MAF: variants seen among roughly 807,000 people sequenced by gnomAD.
MAF encodes the protein transcription factor Maf.
MAF carries 10 observed loss-of-function variants against 22.0 expected under a neutral mutation model. The observed-to-expected ratio is 0.45, with a 90% CI of 0.28 to 0.77. The LOEUF is 0.77. Ranked by LOEUF, MAF falls within the 30% of genes least tolerant of loss-of-function variation. The probability of loss-of-function intolerance (pLI) is 0.12; values close to 1 mark genes in which losing one functional copy is unlikely to be tolerated. For synonymous variants in MAF, 337 were observed against 255.8 expected (o/e 1.32, Z -3.03); for missense variants, 544 against 548.4 (o/e 0.99, Z 0.08).
At chr16:79,273,948 CCTT>C in the MAF span, among the ~76,000 whole-genome samples, 3 of 110,770 alleles carry the variant, frequency 2.7e-5, no homozygotes, top group Non-Finnish European at 5.1e-5. Context: ...TTCGTGTCTG[CCTT>C]TTTTTTTTTT....
chr16:79,442,795 G>C, the MAF span, among the ~76,000 whole-genome samples: 1 of 152,210 alleles, frequency 6.6e-6, no homozygotes, highest in Admixed American at 6.5e-5. Context: ...AGGTGTGAGA[G>C]ACACAAATAG....
At chr16:79,377,709 G>T in the MAF span, among the ~76,000 whole-genome samples, 71,348 of 151,998 alleles carry the variant, frequency 0.47, 17,023 homozygotes, top group South Asian at 0.64. Context: ...TTTGTATAAG[G>T]TGTAAGGAAG....
At chr16:79,277,340 A>C in the MAF span, among the ~76,000 whole-genome samples, 4 of 152,302 alleles carry the variant, frequency 2.6e-5, no homozygotes, top group East Asian at 7.7e-4. Context: ...CACCCACAAA[A>C]GTTTCTAATC....
the MAF span, among the ~76,000 whole-genome samples, chr16:79,285,837 A>T: frequency 6.6e-6 from 1 of 152,208 alleles, no homozygotes; most frequent in Non-Finnish European, 1.5e-5. Context: ...TTCCAGGAGC[A>T]ATTCTGGTGC....
the MAF span, among the ~76,000 whole-genome samples, chr16:79,254,802 T>C: frequency 6.6e-5 from 10 of 152,334 alleles, no homozygotes; most frequent in African/African-American, 2.4e-4. Flanking sequence ...AGATGAACTC[T>C]ACGCACCAAC....
At chr16:79,375,650 C>T in the MAF span, among the ~76,000 whole-genome samples, 1 of 152,048 alleles carries the variant, frequency 6.6e-6, no homozygotes, top group Admixed American at 6.6e-5. Context: ...ATGCACATCC[C>T]AGGCACTTCC....
chr16:79,396,796 C>G, the MAF span, among the ~76,000 whole-genome samples: 13 of 152,352 alleles, frequency 8.5e-5, no homozygotes, highest in East Asian at 2.5e-3. Context: ...ACCCCAGTAG[C>G]AGGTTTTTAA....
At chr16:79,418,605 A>C in the MAF span, among the ~76,000 whole-genome samples, 3 of 152,204 alleles carry the variant, frequency 2.0e-5, no homozygotes, top group Admixed American at 1.3e-4. Context: ...TGCTCACTCT[A>C]GGTATGGAAA....
At chr16:79,461,695 C>T in the MAF span, among the ~76,000 whole-genome samples, 55 of 152,178 alleles carry the variant, frequency 3.6e-4, no homozygotes, top group Admixed American at 1.4e-3. Context: ...TGGGAGAGGG[C>T]GCTCATGTCC....
At position 79,594,637 on chromosome 16, in the gene MAF, TG is replaced by T; in HGVS notation, c.1119-85del. On this transcript the variant is annotated intron_variant, in intron 1 of 1. Coordinates refer to ENST00000326043, the MANE Select transcript of MAF (RefSeq NM_005360.5). Reference sequence around the variant, plus strand: ...AAGGGGAAAGCTAGATTTCCTCATATGATTTTTTTTTTTTTAAATTTAGAGA... The same window carrying T: ...AAGGGGAAAGCTAGATTTCCTCATATATTTTTTTTTTTTTAAATTTAGAGA... The T allele has an allele frequency of 2.0e-6, 3 of 1,474,360 alleles. No individual in the cohort carries two copies. In the South Asian group the frequency reaches 3.9e-5, roughly 19 times the overall value. 91.3% of individuals were successfully genotyped at this position (1,474,360 alleles called of 1,614,324 possible).
chr16:79,584,539 G>T (rs1378070037), downstream of MAF, among the ~76,000 whole-genome samples: 1 of 152,154 alleles, frequency 6.6e-6, no homozygotes, highest in Non-Finnish European at 1.5e-5. Context: ...GGACCAGTGT[G>T]AACCTTGCCT....
the MAF span, among the ~76,000 whole-genome samples, chr16:79,544,364 G>C: frequency 1.3e-5 from 2 of 152,158 alleles, no homozygotes; most frequent in Admixed American, 6.5e-5. Context: ...ATCTAGAAGA[G>C]TCCATCAGCA....
chr16:79,475,611 A>G, the MAF span, among the ~76,000 whole-genome samples: 1 of 152,170 alleles, frequency 6.6e-6, no homozygotes, highest in Non-Finnish European at 1.5e-5. Context: ...TGGAGATGGA[A>G]ATATTTTAAC....
the MAF span, among the ~76,000 whole-genome samples, chr16:79,556,350 C>A: frequency 6.6e-6 from 1 of 152,168 alleles, no homozygotes; most frequent in Admixed American, 6.5e-5. Context: ...AGCTCAAGCT[C>A]CCTCCTCAAG....
the MAF span, among the ~76,000 whole-genome samples, chr16:79,391,911 A>G: frequency 8.5e-3 from 709 of 83,430 alleles, 2 homozygotes; most frequent in Middle Eastern, 0.025. Flanking sequence ...GGAGGAGGAG[A>G]AGGAGGAGGA....
At chr16:79,211,444 T>G in the MAF span, among the ~76,000 whole-genome samples, 1 of 152,184 alleles carries the variant, frequency 6.6e-6, no homozygotes. Flanking sequence ...ACATTATACT[T>G]TTTACAGTCA....
chr16:79,461,308 T>C, the MAF span, among the ~76,000 whole-genome samples: 3 of 152,162 alleles, frequency 2.0e-5, no homozygotes, highest in Non-Finnish European at 4.4e-5. Flanking sequence ...CACAATAAAA[T>C]GCATTTTTTG....
chr16:79,370,110 C>A, the MAF span, among the ~76,000 whole-genome samples: 2 of 152,236 alleles, frequency 1.3e-5, no homozygotes, highest in East Asian at 3.9e-4. Flanking sequence ...TTTCTCTCCT[C>A]TAAAAGTCTC....
downstream of MAF, among the ~76,000 whole-genome samples, chr16:79,583,844 G>A (rs1258536283): frequency 6.6e-6 from 1 of 152,174 alleles, no homozygotes. Flanking sequence ...TAGCCAAATC[G>A]GGTGAAAGGC....
Sources: gnomAD v4.1 joint callset for allele counts (sites outside exome capture counted in the v4.1 genomes callset) on GRCh38, gnomAD v4.1.1 for gene constraint, MANE v1.5 for transcripts, NCBI Gene and HGNC (gene_info 2026-07-23, HGNC 2026-07-21) for gene names.